The following PCCA variants were observed in gnomAD, a reference collection of about 807,000 sequenced individuals.
PCCA encodes the protein propionyl-CoA carboxylase subunit alpha, also known as propionyl-CoA carboxylase alpha chain, mitochondrial.
A neutral mutation model predicts 101.3 loss-of-function variants in PCCA; 74 were observed. That is an observed-to-expected ratio of 0.73 (90% CI 0.61 to 0.89). The LOEUF is 0.89. Among genes scored for constraint, PCCA ranks in the 40% least tolerant of loss-of-function variants. The pLI, the probability that PCCA is intolerant of heterozygous loss-of-function variation, is 0.00. For synonymous variants in PCCA, 294 were observed against 313.6 expected, an observed-to-expected ratio of 0.94 and a Z score of 0.66; for missense variants, 891 against 907.0, an observed-to-expected ratio of 0.98 and a Z score of 0.23.
intron 17 of PCCA, among the ~76,000 whole-genome samples, chr13:100,335,161 T>C (rs1317865353): frequency 6.6e-6 from 1 of 152,174 alleles, no homozygotes; most frequent in African/African-American, 2.4e-5. Flanking sequence ...TAAACAAATT[T>C]GTTTTCAGTT....
At chr13:100,370,415 C>T (rs1410797592) in intron 19 of PCCA, among the ~76,000 whole-genome samples, 1 of 152,042 alleles carries the variant, frequency 6.6e-6, no homozygotes, top group Non-Finnish European at 1.5e-5. Context: ...AAAGTAGAGA[C>T]CTCTGGCCTG....
chr13:100,440,759 T>A (rs2080312773), intron 20 of PCCA, among the ~76,000 whole-genome samples: 3 of 152,042 alleles, frequency 2.0e-5, no homozygotes, highest in Admixed American at 2.0e-4. Flanking sequence ...GACATGACAC[T>A]CTCAGGATAT....
At chr13:100,441,302 G>A (rs994728102) in intron 20 of PCCA, among the ~76,000 whole-genome samples, 1 of 152,168 alleles carries the variant, frequency 6.6e-6, no homozygotes, top group African/African-American at 2.4e-5. Context: ...AAATCCCACA[G>A]TAATGGCCTT....
intron 21 of PCCA, chr13:100,491,578 C>T (rs1351911395): frequency 1.1e-6 from 1 of 873,138 alleles, no homozygotes; most frequent in Non-Finnish European, 1.7e-6. Flanking sequence ...CAAAATGTTG[C>T]CCTTGGGATA....
At chr13:100,252,945 C>A (rs1357985043) in intron 8 of PCCA, among the ~76,000 whole-genome samples, 1 of 152,134 alleles carries the variant, frequency 6.6e-6, no homozygotes, top group East Asian at 1.9e-4. Context: ...CTGTATCACA[C>A]CTTCCAACTT....
intron 7 of PCCA, among the ~76,000 whole-genome samples, chr13:100,232,387 T>TGGGGGGGG (rs2060546077): frequency 2.7e-5 from 4 of 149,790 alleles, no homozygotes; most frequent in African/African-American, 1.0e-4. Context: ...TGTGTGTGTG[T>TGGGGGGGG]GTGTGGTTTT....
chr13:100,386,256 G>A (rs2076494973), intron 19 of PCCA, among the ~76,000 whole-genome samples: 1 of 152,216 alleles, frequency 6.6e-6, no homozygotes, highest in South Asian at 2.1e-4. Flanking sequence ...GTAACTTACT[G>A]TACCAGTGTA....
chr13:100,148,709 CA>C (rs978399736), intron 4 of PCCA, among the ~76,000 whole-genome samples: 3 of 151,980 alleles, frequency 2.0e-5, no homozygotes, highest in Non-Finnish European at 4.4e-5. Flanking sequence ...ACCCAAACAG[CA>C]AAAAAACCCC....
At chr13:100,379,674 GGA>G (rs1336520020) in intron 19 of PCCA, among the ~76,000 whole-genome samples, 1 of 152,118 alleles carries the variant, frequency 6.6e-6, no homozygotes, top group African/African-American at 2.4e-5. Flanking sequence ...AAGAGCAGAG[GGA>G]CATCTTACAT....
At chr13:100,529,659 GTGT>G (rs1032050585) in intron 23 of PCCA, among the ~76,000 whole-genome samples, 4 of 152,292 alleles carry the variant, frequency 2.6e-5, no homozygotes, top group Non-Finnish European at 5.9e-5. Context: ...TGACTGTCGT[GTGT>G]TTTGTTCCTT....
In PCCA at chr13:100,515,801, G is replaced by A. The variant is rs75185727; in HGVS notation, c.2040+234G>A. 2.8e-3 allele frequency among the ~76,000 whole-genome samples: 433 copies of A among 152,366 alleles called. 17 individuals carry two copies. In the East Asian group the frequency reaches 0.054, roughly 19 times the overall value. On this transcript the variant is annotated intron_variant, in intron 22 of 23. Coordinates refer to ENST00000376285, the MANE Select transcript of PCCA (RefSeq NM_000282.4). ...TGATCTGGGAGTGGAGCAGAAAGAA[G>A]GCCAGATGCATTCCATCATTTTGCA...
chr13:100,246,959 A>G (rs549019198), intron 8 of PCCA, among the ~76,000 whole-genome samples: 1 of 150,054 alleles, frequency 6.7e-6, no homozygotes, highest in Non-Finnish European at 1.5e-5. Flanking sequence ...CCCAGGCTAG[A>G]GTGCAATGGT....
At chr13:100,167,071 ATATTAGGGTTCTTTAT>A (rs2055120736) in intron 6 of PCCA, among the ~76,000 whole-genome samples, 1 of 152,150 alleles carries the variant, frequency 6.6e-6, no homozygotes. Flanking sequence ...TTATTTAGAC[ATATTAGGGTTCTTTAT>A]TCTAGGAAAA....
chr13:100,428,861 G>GC, intron 20 of PCCA, among the ~76,000 whole-genome samples: 1 of 152,258 alleles, frequency 6.6e-6, no homozygotes, highest in East Asian at 1.9e-4. Flanking sequence ...AGTCACATGA[G>GC]CCTTATTAAG....
At chr13:100,250,171 T>G (rs1300569706) in intron 8 of PCCA, among the ~76,000 whole-genome samples, 1 of 152,174 alleles carries the variant, frequency 6.6e-6, no homozygotes, top group Non-Finnish European at 1.5e-5. Flanking sequence ...GGCATCCAGT[T>G]TCTTGTCATT....
At chr13:100,308,121 G>A (rs1403433816) in intron 15 of PCCA, among the ~76,000 whole-genome samples, 1 of 152,130 alleles carries the variant, frequency 6.6e-6, no homozygotes, top group Non-Finnish European at 1.5e-5. Flanking sequence ...CCAAAGTTCT[G>A]GGATTACAGG....
intron 16 of PCCA, among the ~76,000 whole-genome samples, chr13:100,313,633 TC>T (rs34236601): frequency 6.6e-6 from 1 of 152,174 alleles, no homozygotes; most frequent in Non-Finnish European, 1.5e-5. Flanking sequence ...TGCAGTCTGT[TC>T]CCCAGACAAG....
chr13:100,096,409 A>T lies in PCCA; in HGVS notation c.106-6474A>T, dbSNP rs528666845. 1.2e-4 allele frequency among the ~76,000 whole-genome samples: 18 copies of T among 152,342 alleles called. 1 individual carries two copies. In the Middle Eastern group the frequency reaches 0.01, roughly 86 times the overall value. On this transcript the variant is annotated intron_variant, in intron 1 of 23. Coordinates refer to ENST00000376285, the MANE Select transcript of PCCA (RefSeq NM_000282.4). ...TAAATGTGTGAGTTTTGACTTCTCC[A>T]AGCAGTTATTCCCCTATGTCTCTCC...
chr13:100,288,516 C>T (rs1379692910), intron 12 of PCCA, among the ~76,000 whole-genome samples: 1 of 152,194 alleles, frequency 6.6e-6, no homozygotes, highest in East Asian at 1.9e-4. Context: ...AGGCTAGTCT[C>T]TAACTCTTGG....
Sources: gnomAD v4.1 joint callset for allele counts (sites outside exome capture counted in the v4.1 genomes callset) on GRCh38, gnomAD v4.1.1 for gene constraint, MANE v1.5 for transcripts, NCBI Gene and HGNC (gene_info 2026-07-23, HGNC 2026-07-21) for gene names.